Variants in PRH1 observed in about 807,000 individuals in gnomAD.
The protein encoded by PRH1 is proline rich protein HaeIII subfamily 1.
PRH1 carries 7 observed loss-of-function variants against 7.9 expected under a neutral mutation model. The observed-to-expected ratio is 0.89, with a 90% confidence interval of 0.50 to 1.67. The LOEUF is 1.67. Among genes scored for constraint, PRH1 ranks in the 40% most tolerant of loss-of-function variants. PRH1 has a pLI of 0.00. For synonymous variants in PRH1, 45 were observed against 80.8 expected (o/e 0.56, Z 2.38); for missense variants, 109 against 223.6 (o/e 0.49, Z 3.27).
upstream of PRH1, among the ~76,000 whole-genome samples, chr12:10,887,525 C>CT (rs35193707): frequency 0.47 from 64,711 of 139,052 alleles, 17,321 homozygotes; most frequent in East Asian, 0.72. Flanking sequence ...TAGCATATTT[C>CT]TTTTTTTTTT....
At chr12:10,901,528 C>A (rs1401016891) in intron 2 of PRH1, among the ~76,000 whole-genome samples, 1 of 152,158 alleles carries the variant, frequency 6.6e-6, no homozygotes, top group Non-Finnish European at 1.5e-5. Flanking sequence ...CTCCCCACAA[C>A]CCCCAAGGCT....
intron 1 of PRH1, among the ~76,000 whole-genome samples, chr12:11,100,041 G>A (rs1945189584): frequency 1.3e-5 from 2 of 152,172 alleles, no homozygotes; most frequent in African/African-American, 4.8e-5. Flanking sequence ...AGTTGTATAA[G>A]AATGTATATA....
At chr12:10,883,000 A>G (rs1949431761) in intron 2 of PRH1, 61 bp downstream of exon 2, 1 of 1,567,092 alleles carries the variant, frequency 6.4e-7, no homozygotes, top group Non-Finnish European at 8.8e-7. Flanking sequence ...ACACTGGAGA[A>G]CTCATCAATT....
chr12:11,080,612 A>G lies in PRH1; in HGVS notation n.124-33424T>C, dbSNP rs1456215167. ...CTCCAGTCTCTTTATTGCTATTTGCATATATCTTATCGATTATACATTCAA... is the reference window on the plus strand; with the variant it reads ...CTCCAGTCTCTTTATTGCTATTTGCGTATATCTTATCGATTATACATTCAA... On this transcript the variant is annotated intron_variant and non_coding_transcript_variant, in intron 1 of 4. Transcript: ENST00000541977. Among the ~76,000 whole-genome samples the G allele has an allele frequency of 2.6e-5, 3 of 116,954 alleles. 1 individual carries two copies. Among genetic ancestry groups the G allele is most frequent in the African/African-American group, 5.7e-5 (2 of 35,008 alleles). The allele number at this position is 116,954 out of a possible 152,430, so 76.7% of individuals were successfully genotyped here.
At chr12:11,048,483 TTTGC>T (rs1350815591), upstream of PRH1, 1 of 273,696 alleles carries the variant, frequency 3.7e-6, no homozygotes, top group African/African-American at 2.4e-5. Flanking sequence ...GGAATACAAG[TTTGC>T]TCTGCTGAGT....
chr12:10,929,455 C>A, intron 2 of PRH1: 1 of 1,272,942 alleles, frequency 7.9e-7, no homozygotes, highest in Non-Finnish European at 1.1e-6. Context: ...CTGAAGAGTT[C>A]TCATGCCAAG....
At chr12:10,921,352 G>T (rs569106351) in intron 2 of PRH1, among the ~76,000 whole-genome samples, 37 of 151,850 alleles carry the variant, frequency 2.4e-4, no homozygotes, top group Non-Finnish European at 4.1e-4. Flanking sequence ...TGAAATTGTT[G>T]ATTTATTAAA....
intron 2 of PRH1, among the ~76,000 whole-genome samples, chr12:10,943,833 T>C (rs1468457308): frequency 2.0e-5 from 3 of 152,334 alleles, no homozygotes; most frequent in Middle Eastern, 3.4e-3. Context: ...CGAAGTCTTG[T>C]TCCCATAGCT....
At chr12:11,087,839 C>A (rs1944757125) in intron 1 of PRH1, among the ~76,000 whole-genome samples, 1 of 115,910 alleles carries the variant, frequency 8.6e-6, no homozygotes, top group Non-Finnish European at 2.0e-5. Context: ...GCTGTCTTCA[C>A]TAAGCAGAGC....
intron 1 of PRH1, among the ~76,000 whole-genome samples, chr12:11,010,874 ATTTC>A (rs1350349091): frequency 6.6e-6 from 1 of 151,848 alleles, no homozygotes; most frequent in African/African-American, 2.4e-5. Flanking sequence ...ATTTATTCAT[ATTTC>A]TTTATTAATT....
intron 1 of PRH1, among the ~76,000 whole-genome samples, chr12:11,147,574 T>C (rs1946904928): frequency 6.6e-6 from 1 of 152,216 alleles, no homozygotes; most frequent in African/African-American, 2.4e-5. Context: ...ATGAAGAACC[T>C]TGTTATCTTT....
intron 1 of PRH1, among the ~76,000 whole-genome samples, chr12:10,984,273 C>T (rs1939498883): frequency 6.6e-6 from 1 of 152,174 alleles, no homozygotes; most frequent in Non-Finnish European, 1.5e-5. Context: ...ATCTTCCCAT[C>T]ACACATCGAA....
At chr12:10,986,514 AG>A in intron 1 of PRH1, 1 of 1,614,130 alleles carries the variant, frequency 6.2e-7, no homozygotes, top group East Asian at 2.2e-5. Flanking sequence ...AAGAAAAAGA[AG>A]GTTGGAGAAA....
chr12:11,045,139 T>C (rs1942857390), intron 1 of PRH1, among the ~76,000 whole-genome samples: 1 of 152,008 alleles, frequency 6.6e-6, no homozygotes, highest in Admixed American at 6.6e-5. Flanking sequence ...AAAAATGAGA[T>C]CCTGTCATTT....
intron 1 of PRH1, among the ~76,000 whole-genome samples, chr12:11,003,791 T>C (rs1460103011): frequency 6.6e-6 from 1 of 152,094 alleles, no homozygotes; most frequent in African/African-American, 2.4e-5. Context: ...TAATTACTAT[T>C]ATATCTGTAT....
chr12:11,144,613 C>T (rs1946809769), intron 1 of PRH1, among the ~76,000 whole-genome samples: 1 of 152,206 alleles, frequency 6.6e-6, no homozygotes, highest in African/African-American at 2.4e-5. Context: ...GGCCAGGAGG[C>T]TTCTTGACCA....
intron 1 of PRH1, among the ~76,000 whole-genome samples, chr12:10,995,735 A>G (rs1027795715): frequency 6.6e-6 from 1 of 152,178 alleles, no homozygotes; most frequent in Non-Finnish European, 1.5e-5. Context: ...ACTGAAATAT[A>G]TAACATCAGA....
intron 1 of PRH1, among the ~76,000 whole-genome samples, chr12:11,151,879 T>C (rs1274958688): frequency 1.3e-5 from 2 of 152,160 alleles, no homozygotes; most frequent in Non-Finnish European, 2.9e-5. Flanking sequence ...TATCATAATA[T>C]ATTACCATGG....
chr12:11,115,856 G>A (rs545764985), downstream of PRH1, among the ~76,000 whole-genome samples: 3 of 151,948 alleles, frequency 2.0e-5, no homozygotes, highest in African/African-American at 7.2e-5. Flanking sequence ...AAATGATAGT[G>A]GAAACACAAC....
Sources: gnomAD v4.1 joint callset for allele counts (sites outside exome capture counted in the v4.1 genomes callset) on GRCh38, gnomAD v4.1.1 for gene constraint, MANE v1.5 for transcripts, NCBI Gene and HGNC (gene_info 2026-07-23, HGNC 2026-07-21) for gene names.